The following RIPOR3 variants were observed in gnomAD, a reference collection of about 807,000 sequenced individuals.
RIPOR3 encodes the protein family with sequence similarity 65 member C.
A neutral mutation model predicts 114.3 loss-of-function variants in RIPOR3; 95 were observed. That is an observed-to-expected ratio of 0.83 (90% CI 0.70 to 0.99). RIPOR3 has a LOEUF of 0.99. RIPOR3 is among the 50% of genes least tolerant of loss of function. RIPOR3 has a pLI of 0.00. For synonymous variants in RIPOR3, 575 were observed against 543.8 expected, an observed-to-expected ratio of 1.06 and a Z score of -0.80; for missense variants, 1,252 against 1,266.9, an observed-to-expected ratio of 0.99 and a Z score of 0.18.
intron 2 of RIPOR3, among the ~76,000 whole-genome samples, chr20:50,621,699 C>T (rs2084411874): frequency 2.0e-5 from 3 of 152,210 alleles, no homozygotes; most frequent in Admixed American, 6.5e-5. Context: ...GAGGAACAAA[C>T]AGAGTCAGAC....
At chr20:50,623,169 G>A (rs761491785) in intron 2 of RIPOR3, among the ~76,000 whole-genome samples, 19 of 151,192 alleles carry the variant, frequency 1.3e-4, no homozygotes, top group Non-Finnish European at 2.5e-4. Flanking sequence ...GCTGAGGCAG[G>A]AGAATCACTT....
intron 7 of RIPOR3, 26 bp from the exon 8 acceptor site, chr20:50,609,382 CT>C (rs1227686342): frequency 6.2e-7 from 1 of 1,609,562 alleles, no homozygotes; most frequent in African/African-American, 1.3e-5. Flanking sequence ...GGTGGCTCAG[CT>C]GGCTGCCTGG....
chr20:50,587,077 G>T lies in RIPOR3; in HGVS notation c.*155C>A. The T allele has an allele frequency of 1.6e-6, 1 of 632,244 alleles. No homozygotes were observed. 39.2% of individuals were successfully genotyped at this position (632,244 alleles called of 1,614,324 possible). A position where few individuals can be genotyped will look rare whatever the true frequency, so the allele number is the denominator to read the frequency against. On this transcript the variant is annotated 3_prime_UTR_variant, in exon 22 of 22. Coordinates refer to ENST00000327979, the MANE Select transcript of RIPOR3 (RefSeq NM_001290268.2). ...TGTACAAAAGACCAGCCCATGCCCT[G>T]GGGCTGGGTCAATGGCCGGAGTCTC...
chr20:50,616,370 C>T (rs930081401), intron 3 of RIPOR3, among the ~76,000 whole-genome samples: 3 of 152,082 alleles, frequency 2.0e-5, no homozygotes, highest in Admixed American at 6.6e-5. Context: ...GAGACAAGGT[C>T]CCCCCTCTCT....
chr20:50,609,579 G>A lies in RIPOR3; in HGVS notation c.570C>T (p.Cys190=), dbSNP rs1055846569. 4.6e-5 allele frequency: 65 copies of A among 1,423,014 alleles called. No homozygotes were observed. The highest frequency in any genetic ancestry group is 2.7e-4 in the South Asian group (18 of 65,650). 88.1% of individuals were successfully genotyped at this position (1,423,014 alleles called of 1,614,324 possible). A position where few individuals can be genotyped will look rare whatever the true frequency, so the allele number is the denominator to read the frequency against. Reference sequence around the variant, plus strand: ...CCAGCTTGGCCCGGCCCACCTCGGCGCACTCGTGCAGGCTGCGGCCCAGCT... The same window carrying A: ...CCAGCTTGGCCCGGCCCACCTCGGCACACTCGTGCAGGCTGCGGCCCAGCT... ...LQELGRSLHE[C]AEDMWLIEGA... is the part of the protein sequence containing the mutation. Residue 190 remains cysteine, a synonymous_variant, in exon 7 of 22, where the codon TGC becomes TGT. Coordinates refer to ENST00000327979, the MANE Select transcript of RIPOR3 (RefSeq NM_001290268.2).
Position 50,593,194 on chromosome 20 carries a change from A to G in RIPOR3, c.2215T>C (p.Cys739Arg), listed in dbSNP as rs1008902198. Reference sequence around the variant, plus strand: ...ACCACCTGCTCCAGGAGCCTGCGGCACGCTGGCCAAAGGGGAGAGTACATC... The same window carrying G: ...ACCACCTGCTCCAGGAGCCTGCGGCGCGCTGGCCAAAGGGGAGAGTACATC... ...GKYPGQLEIA[C>R]RRLLEQVVSC... is the part of the protein sequence containing the mutation. Residue 739 changes from cysteine (C) to arginine (R), a missense_variant and splice_region_variant, in exon 18 of 22, where the codon TGC becomes CGC. Coordinates refer to ENST00000327979, the MANE Select transcript of RIPOR3 (RefSeq NM_001290268.2). The G allele has an allele frequency of 3.7e-6, 6 of 1,611,740 alleles. No individual in the cohort carries two copies. Among genetic ancestry groups the G allele is most frequent in the Non-Finnish European group, 4.2e-6 (5 of 1,179,960 alleles).
chr20:50,642,187 C>G (rs1390443552), intron 1 of RIPOR3, among the ~76,000 whole-genome samples: 1 of 152,106 alleles, frequency 6.6e-6, no homozygotes, highest in Non-Finnish European at 1.5e-5. Flanking sequence ...TACCGGCTTC[C>G]CAATCTCCTC....
chr20:50,664,592 G>A (rs765404615), intron 1 of RIPOR3, among the ~76,000 whole-genome samples: 1 of 152,186 alleles, frequency 6.6e-6, no homozygotes, highest in Non-Finnish European at 1.5e-5. Flanking sequence ...GTTCCCGTGT[G>A]ACATTGGGCA....
At chr20:50,587,743 C>T (rs534364328) in intron 21 of RIPOR3, 59 bp downstream of exon 21, 33 of 1,543,818 alleles carry the variant, frequency 2.1e-5, no homozygotes, top group South Asian at 4.5e-5. Context: ...TGTGGCCTCT[C>T]GCAGATTCTA....
chr20:50,671,624 C>T (rs905644175), intron 1 of RIPOR3, among the ~76,000 whole-genome samples: 5 of 152,188 alleles, frequency 3.3e-5, no homozygotes, highest in Non-Finnish European at 7.3e-5. Flanking sequence ...CAGTTCTTAA[C>T]CTGTATGTGT....
intron 1 of RIPOR3, among the ~76,000 whole-genome samples, chr20:50,638,614 G>A (rs2085075851): frequency 1.3e-5 from 2 of 152,174 alleles, no homozygotes; most frequent in Admixed American, 6.5e-5. Flanking sequence ...GGGTGGCTGT[G>A]TGTCGGGGCG....
chr20:50,642,350 GT>G (rs2085232119), intron 1 of RIPOR3, among the ~76,000 whole-genome samples: 4 of 67,630 alleles, frequency 5.9e-5, no homozygotes, highest in East Asian at 6.5e-4. Flanking sequence ...CTGTGGGTGT[GT>G]GTGTGTGTGT....
intron 3 of RIPOR3, 103 bp from the exon 4 acceptor site, chr20:50,616,183 C>A: frequency 1.8e-6 from 2 of 1,127,608 alleles, no homozygotes. Flanking sequence ...AGACACGGGG[C>A]TCAGCGGGGC....
At chr20:50,671,415 TGCACGCGCGCGC>T (rs1386140392) in intron 1 of RIPOR3, among the ~76,000 whole-genome samples, 1 of 65,160 alleles carries the variant, frequency 1.5e-5, no homozygotes, top group Non-Finnish European at 2.9e-5. Flanking sequence ...CACGCGCGCG[TGCACGCGCGCGC>T]GCACACACAC....
At chr20:50,612,620 T>A (rs1365073255) in intron 4 of RIPOR3, among the ~76,000 whole-genome samples, 2 of 152,150 alleles carry the variant, frequency 1.3e-5, no homozygotes, top group African/African-American at 4.8e-5. Context: ...TACATGATTA[T>A]GTGACCAGAG....
At chr20:50,611,013 C>CG in intron 5 of RIPOR3, 107 bp from the exon 6 acceptor site, 1 of 281,240 alleles carries the variant, frequency 3.6e-6, no homozygotes, top group Non-Finnish European at 5.4e-6. Context: ...AATGGGGCCC[C>CG]TCACCATCCC....
intron 1 of RIPOR3, among the ~76,000 whole-genome samples, chr20:50,679,659 C>T (rs2086796998): frequency 6.7e-6 from 1 of 150,258 alleles, no homozygotes; most frequent in Non-Finnish European, 1.5e-5. Flanking sequence ...GTCCTAGCTA[C>T]TCGGGAGGCT....
intron 1 of RIPOR3, among the ~76,000 whole-genome samples, chr20:50,631,306 G>A (rs924498608): frequency 6.6e-6 from 1 of 152,140 alleles, no homozygotes; most frequent in South Asian, 2.1e-4. Context: ...GAACAGTTAC[G>A]ATACAGAGTC....
At chr20:50,652,615 AAAAGAAAAGAAAAGAAAG>A (rs1568927529) in intron 1 of RIPOR3, among the ~76,000 whole-genome samples, 5 of 138,046 alleles carry the variant, frequency 3.6e-5, no homozygotes, top group East Asian at 4.1e-4. Flanking sequence ...AAAAAAAAAG[AAAAGAAAAGAAAAGAAAG>A]AAAGAAAAGA....
Sources: gnomAD v4.1 joint callset for allele counts (sites outside exome capture counted in the v4.1 genomes callset) on GRCh38, gnomAD v4.1.1 for gene constraint, MANE v1.5 for transcripts, NCBI Gene and HGNC (gene_info 2026-07-23, HGNC 2026-07-21) for gene names.